COP1: variants seen among roughly 807,000 people sequenced by gnomAD.
The protein encoded by COP1 is COP1 E3 ubiquitin ligase.
Under a neutral mutation model 101.3 loss-of-function variants are expected in COP1, and 24 were observed. The ratio of observed to expected loss-of-function variants is 0.24; its 90% CI spans 0.17 to 0.33. The LOEUF (loss-of-function observed/expected upper bound fraction) is 0.33, where lower values mean the gene tolerates loss of function less well. Among genes scored for constraint, COP1 ranks in the 10% least tolerant of loss-of-function variants. COP1 has a pLI of 1.00. For missense variants in COP1, 663 were observed against 906.2 expected, an observed-to-expected ratio of 0.73 and a Z score of 3.45; for synonymous variants, 347 against 341.9, an observed-to-expected ratio of 1.01 and a Z score of -0.17.
intron 8 of COP1, among the ~76,000 whole-genome samples, chr1:176,134,747 C>G (rs540824045): frequency 6.6e-6 from 1 of 152,060 alleles, no homozygotes; most frequent in Non-Finnish European, 1.5e-5. Flanking sequence ...ATATTTAAAG[C>G]TATCATTACT....
intron 1 of COP1, among the ~76,000 whole-genome samples, chr1:176,201,587 G>A (rs1700261295): frequency 6.6e-6 from 1 of 152,192 alleles, no homozygotes; most frequent in East Asian, 1.9e-4. Flanking sequence ...CTTTAGTAAT[G>A]AACTACTATT....
intron 18 of COP1, among the ~76,000 whole-genome samples, chr1:175,981,212 T>C (rs930382658): frequency 1.1e-4 from 17 of 152,180 alleles, no homozygotes; most frequent in Non-Finnish European, 2.9e-5. Flanking sequence ...AAAATGTCTT[T>C]ATTTTACCAC....
At chr1:176,044,746 C>T (rs891068807) in intron 12 of COP1, among the ~76,000 whole-genome samples, 2 of 152,176 alleles carry the variant, frequency 1.3e-5, no homozygotes, top group African/African-American at 4.8e-5. Flanking sequence ...CTATTTTAGG[C>T]ATCCTTAGGT....
At chr1:176,116,536 C>A in intron 9 of COP1, 88 bp downstream of exon 9, 1 of 1,072,840 alleles carries the variant, frequency 9.3e-7, no homozygotes, top group East Asian at 2.4e-5. Context: ...GTCTTTGTGA[C>A]AGGACATTTT....
chr1:176,100,852 G>A (rs967729329), intron 9 of COP1, among the ~76,000 whole-genome samples: 1 of 152,008 alleles, frequency 6.6e-6, no homozygotes, highest in African/African-American at 2.4e-5. Context: ...AAAGGAGTCC[G>A]TGCAACACCC....
chr1:176,028,707 A>ATATATATATATATATATG (rs1314330361), intron 14 of COP1, among the ~76,000 whole-genome samples: 3 of 126,728 alleles, frequency 2.4e-5, no homozygotes, highest in Non-Finnish European at 5.2e-5. Context: ...ATATATATAT[A>ATATATATATATATATATG]TATATATATA....
chr1:176,111,689 A>C (rs1685315233), intron 9 of COP1, among the ~76,000 whole-genome samples: 1 of 152,142 alleles, frequency 6.6e-6, no homozygotes, highest in South Asian at 2.1e-4. Context: ...CATTTTATTT[A>C]TACGAAAAAA....
At chr1:176,199,356 G>C (rs1453628825) in intron 1 of COP1, among the ~76,000 whole-genome samples, 1 of 151,272 alleles carries the variant, frequency 6.6e-6, no homozygotes, top group Non-Finnish European at 1.5e-5. Context: ...GGTAGAGGCA[G>C]TTTTTAAAAA....
At chr1:176,075,701 A>C (rs578056813) in intron 11 of COP1, among the ~76,000 whole-genome samples, 1 of 152,250 alleles carries the variant, frequency 6.6e-6, no homozygotes, top group South Asian at 2.1e-4. Flanking sequence ...ACTTAGCCAC[A>C]CAATAATAGT....
At chr1:176,030,999 G>A (rs1164136961) in intron 14 of COP1, among the ~76,000 whole-genome samples, 1 of 152,142 alleles carries the variant, frequency 6.6e-6, no homozygotes, top group East Asian at 1.9e-4. Flanking sequence ...GCCAAGACCA[G>A]AATGATACAG....
At chr1:176,120,052 T>C (rs979914262) in intron 8 of COP1, among the ~76,000 whole-genome samples, 1 of 152,218 alleles carries the variant, frequency 6.6e-6, no homozygotes, top group African/African-American at 2.4e-5. Flanking sequence ...TGGAAAATCC[T>C]GGATTAGCCT....
chr1:175,988,725 T>C (rs775652537), intron 16 of COP1: 10 of 191,144 alleles, frequency 5.2e-5, no homozygotes, highest in Non-Finnish European at 8.7e-5. Flanking sequence ...CCCAGCTACT[T>C]GGGAGGCTGA....
At chr1:176,198,139 C>G (rs781432276) in intron 1 of COP1, among the ~76,000 whole-genome samples, 1 of 151,950 alleles carries the variant, frequency 6.6e-6, no homozygotes, top group Non-Finnish European at 1.5e-5. Flanking sequence ...GAAATTGGCA[C>G]GCTAATCCTA....
intron 7 of COP1, among the ~76,000 whole-genome samples, chr1:176,135,974 A>G (rs1353112468): frequency 6.6e-6 from 1 of 152,206 alleles, no homozygotes; most frequent in Non-Finnish European, 1.5e-5. Flanking sequence ...AAACTAAATT[A>G]ATAAATACAG....
intron 11 of COP1, among the ~76,000 whole-genome samples, chr1:176,051,601 G>A (rs1218636607): frequency 6.6e-6 from 1 of 152,056 alleles, no homozygotes; most frequent in Non-Finnish European, 1.5e-5. Flanking sequence ...CAAACAAACT[G>A]TAAAGCAGCC....
At chr1:175,983,731 AAT>A (rs1349813418) in intron 18 of COP1, among the ~76,000 whole-genome samples, 2 of 152,198 alleles carry the variant, frequency 1.3e-5, no homozygotes, top group African/African-American at 4.8e-5. Flanking sequence ...AAATGCTGAT[AAT>A]GATGGACATG....
At chr1:176,031,000 A>C (rs1287537974) in intron 14 of COP1, among the ~76,000 whole-genome samples, 2 of 152,206 alleles carry the variant, frequency 1.3e-5, no homozygotes, top group African/African-American at 4.8e-5. Flanking sequence ...CCAAGACCAG[A>C]ATGATACAGC....
At chr1:176,122,300 G>A (rs1282183768) in intron 8 of COP1, among the ~76,000 whole-genome samples, 1 of 152,130 alleles carries the variant, frequency 6.6e-6, no homozygotes, top group Non-Finnish European at 1.5e-5. Context: ...ATATTAATGT[G>A]CTTGATGGGA....
intron 15 of COP1, among the ~76,000 whole-genome samples, chr1:176,007,362 T>C (rs1389855473): frequency 2.0e-5 from 3 of 152,234 alleles, no homozygotes; most frequent in Non-Finnish European, 4.4e-5. Flanking sequence ...TCATTCTCCA[T>C]CCAGCTTTGT....
Sources: gnomAD v4.1 joint callset for allele counts (sites outside exome capture counted in the v4.1 genomes callset) on GRCh38, gnomAD v4.1.1 for gene constraint, MANE v1.5 for transcripts, NCBI Gene and HGNC (gene_info 2026-07-23, HGNC 2026-07-21) for gene names.